Variants in SYTL3 observed in about 807,000 individuals in gnomAD.
SYTL3 encodes synaptotagmin-like protein 3.
SYTL3 carries 88 observed loss-of-function variants against 82.1 expected under a neutral mutation model. That is an observed-to-expected ratio of 1.07 (90% CI 0.90 to 1.28). SYTL3 has a LOEUF of 1.28. Ranked by LOEUF, SYTL3 falls within the 50% of genes most tolerant of loss-of-function variation. SYTL3 has a pLI of 0.00. For missense variants in SYTL3, 831 were observed against 757.6 expected (o/e 1.10, Z -1.14); for synonymous variants, 311 against 289.4 (o/e 1.07, Z -0.76).
chr6:158,756,379 G>A (rs1264911729), intron 13 of SYTL3, among the ~76,000 whole-genome samples: 2 of 152,238 alleles, frequency 1.3e-5, no homozygotes, highest in Non-Finnish European at 2.9e-5. Context: ...GCGGGGAATG[G>A]AGGAGGGGGG....
chr6:158,671,704 G>A (rs1348702089), intron 5 of SYTL3, among the ~76,000 whole-genome samples: 1 of 150,210 alleles, frequency 6.7e-6, no homozygotes, highest in African/African-American at 2.5e-5. Context: ...GGAGGCGGAG[G>A]TTGCAGTGAG....
At chr6:158,691,643 A>T (rs1779878051) in intron 6 of SYTL3, among the ~76,000 whole-genome samples, 1 of 151,248 alleles carries the variant, frequency 6.6e-6, no homozygotes, top group Non-Finnish European at 1.5e-5. Flanking sequence ...TGACAATATT[A>T]ATATTAAACT....
chr6:158,661,707 T>C (rs984679207), intron 3 of SYTL3, among the ~76,000 whole-genome samples: 2 of 152,250 alleles, frequency 1.3e-5, no homozygotes, highest in African/African-American at 4.8e-5. Context: ...TCTTAAAATA[T>C]GGATATAGGC....
At chr6:158,726,435 T>C (rs1164488456) in intron 11 of SYTL3, 1 of 193,258 alleles carries the variant, frequency 5.2e-6, no homozygotes, top group African/African-American at 2.4e-5. Context: ...GGAGGTTTGC[T>C]CTCAAGCCGT....
At position 158,650,729 on chromosome 6, in the gene SYTL3, G is replaced by T. The variant is rs533966513; in HGVS notation, c.-727+651G>T. Among the ~76,000 whole-genome samples, 26 of 150,742 alleles carry T rather than the reference G, an allele frequency of 1.7e-4. No homozygotes were observed. In the East Asian group the frequency reaches 4.7e-3, roughly 27 times the overall value. On this transcript the variant is annotated intron_variant, in intron 1 of 17. Coordinates refer to ENST00000611299, the MANE Select transcript of SYTL3 (RefSeq NM_001242394.2). ...AGGCCAAGGTGGGTAGATCCCTTGAGATCAGGAATTTGAGACCAGCCTGGC... is the reference window on the plus strand; with the variant it reads ...AGGCCAAGGTGGGTAGATCCCTTGATATCAGGAATTTGAGACCAGCCTGGC...
Position 158,651,853 on chromosome 6 carries a change from A to G in SYTL3, c.-637+11A>G, listed in dbSNP as rs1788056336. ...TTTGTCCTCTCTCAGGTAGGCTTCAAGTTTTATAGATTCAAGCCCACGTGT... is the reference window on the plus strand; with the variant it reads ...TTTGTCCTCTCTCAGGTAGGCTTCAGGTTTTATAGATTCAAGCCCACGTGT... On this transcript the variant is annotated intron_variant, in intron 2 of 17. Transcript: ENST00000611299. 6.6e-6 allele frequency: 1 copy of G among 151,854 alleles called. No homozygotes were observed. Among genetic ancestry groups the G allele is most frequent in the African/African-American group, 2.4e-5 (1 of 41,422 alleles). 9.4% of individuals were successfully genotyped at this position (151,854 alleles called of 1,614,324 possible). A position where few individuals can be genotyped will look rare whatever the true frequency, so the allele number is the denominator to read the frequency against.
At chr6:158,742,421 A>G (rs1787048637) in intron 11 of SYTL3, among the ~76,000 whole-genome samples, 1 of 152,226 alleles carries the variant, frequency 6.6e-6, no homozygotes, top group Non-Finnish European at 1.5e-5. Flanking sequence ...TGATGAAGAC[A>G]GGTCCATTTC....
chr6:158,719,340 A>G (rs944236793), intron 10 of SYTL3, among the ~76,000 whole-genome samples: 2 of 152,182 alleles, frequency 1.3e-5, no homozygotes, highest in Non-Finnish European at 2.9e-5. Flanking sequence ...GTATAGCCAA[A>G]AGAGGACTGA....
intron 2 of SYTL3, among the ~76,000 whole-genome samples, chr6:158,659,448 C>T (rs981292876): frequency 1.3e-5 from 2 of 152,076 alleles, no homozygotes; most frequent in Admixed American, 6.6e-5. Flanking sequence ...CTCTGCCTCC[C>T]GGGTTCAAGT....
At chr6:158,663,688 C>A in intron 4 of SYTL3, 1 of 823,096 alleles carries the variant, frequency 1.2e-6, no homozygotes, top group Non-Finnish European at 1.5e-6. Context: ...ATTCAAGGGA[C>A]ATTTTCAGGC....
chr6:158,741,526 C>T (rs919841163), intron 11 of SYTL3, among the ~76,000 whole-genome samples: 4 of 152,134 alleles, frequency 2.6e-5, no homozygotes, highest in East Asian at 3.9e-4. Flanking sequence ...GTAATGGTTT[C>T]GCTGGGATTC....
upstream of SYTL3, among the ~76,000 whole-genome samples, chr6:158,646,441 A>C (rs1191742556): frequency 2.0e-5 from 3 of 152,198 alleles, no homozygotes; most frequent in Non-Finnish European, 4.4e-5. Context: ...AAGTGCTGGG[A>C]TTATAGCTGT....
At chr6:158,717,315 T>G (rs1348934907) in intron 9 of SYTL3, among the ~76,000 whole-genome samples, 1 of 152,154 alleles carries the variant, frequency 6.6e-6, no homozygotes. Context: ...CCTGTTTTTT[T>G]TTTTTTAACT....
intron 2 of SYTL3, among the ~76,000 whole-genome samples, chr6:158,655,935 G>A (rs1301289225): frequency 6.6e-6 from 1 of 152,200 alleles, no homozygotes; most frequent in Non-Finnish European, 1.5e-5. Flanking sequence ...TGGGGCCGAT[G>A]CGTGGAAATG....
At chr6:158,717,029 C>T (rs1783499939) in intron 9 of SYTL3, among the ~76,000 whole-genome samples, 1 of 152,202 alleles carries the variant, frequency 6.6e-6, no homozygotes, top group Admixed American at 6.5e-5. Flanking sequence ...AGCCTGTAAT[C>T]CCAGCACTTT....
chr6:158,677,297 A>C (rs1778150747), intron 5 of SYTL3, among the ~76,000 whole-genome samples: 1 of 152,200 alleles, frequency 6.6e-6, no homozygotes, highest in South Asian at 2.1e-4. Flanking sequence ...TCAGCAAACT[A>C]TCTCAAGGAC....
chr6:158,763,116 T>C (rs1790209316), intron 16 of SYTL3, among the ~76,000 whole-genome samples, 188 bp from the exon 17 acceptor site: 1 of 152,244 alleles, frequency 6.6e-6, no homozygotes, highest in Non-Finnish European at 1.5e-5. Context: ...CCTTCATACC[T>C]GATGCAGAAT....
chr6:158,652,524 C>T (rs1224936874), intron 2 of SYTL3, among the ~76,000 whole-genome samples: 2 of 152,014 alleles, frequency 1.3e-5, no homozygotes, highest in Non-Finnish European at 2.9e-5. Context: ...GCTGGGATTA[C>T]AAGCGTGAGC....
intron 12 of SYTL3, among the ~76,000 whole-genome samples, chr6:158,751,435 T>C (rs1788369332): frequency 6.6e-6 from 1 of 152,208 alleles, no homozygotes; most frequent in South Asian, 2.1e-4. Flanking sequence ...GTGCGACCTC[T>C]AGACTCAGCA....
Sources: allele counts gnomAD v4.1 joint callset (sites outside exome capture counted in the v4.1 genomes callset), GRCh38; gene constraint gnomAD v4.1.1; transcripts MANE v1.5; gene names NCBI Gene and HGNC (gene_info 2026-07-23, HGNC 2026-07-21).